The following AMD1 variants were observed in gnomAD, a reference collection of about 807,000 sequenced individuals.
AMD1 encodes adenosylmethionine decarboxylase 1, also known as S-adenosylmethionine decarboxylase proenzyme.
In AMD1, 11 loss-of-function variants were observed where a neutral mutation model predicts 40.2. The ratio of observed to expected loss-of-function variants is 0.27; its 90% CI spans 0.17 to 0.45. The LOEUF (loss-of-function observed/expected upper bound fraction) is 0.45, where lower values mean the gene tolerates loss of function less well. Ranked by LOEUF, AMD1 falls within the 20% of genes least tolerant of loss-of-function variation. The pLI, the probability that AMD1 is intolerant of heterozygous loss-of-function variation, is 1.00. For synonymous variants in AMD1, 121 were observed against 130.8 expected (o/e 0.93, Z 0.51); for missense variants, 257 against 410.2 (o/e 0.63, Z 3.23).
chr6:110,882,231 T>C (rs1180088726), intron 1 of AMD1, among the ~76,000 whole-genome samples: 1 of 152,200 alleles, frequency 6.6e-6, no homozygotes, highest in Non-Finnish European at 1.5e-5. Flanking sequence ...TAAAAATGGC[T>C]CTGTCGACTG....
intron 1 of AMD1, among the ~76,000 whole-genome samples, chr6:110,876,628 C>T (rs986647941): frequency 6.6e-6 from 1 of 152,008 alleles, no homozygotes; most frequent in African/African-American, 2.4e-5. Flanking sequence ...TTTTTTCAAG[C>T]TTCGTGTGAC....
At chr6:110,858,639 A>C in the AMD1 span, 2 of 1,337,550 alleles carry the variant, frequency 1.5e-6, no homozygotes, top group East Asian at 4.7e-5. Flanking sequence ...GCCAGGACTA[A>C]GGGGCTGCAG....
the AMD1 span, among the ~76,000 whole-genome samples, chr6:110,857,425 G>A: frequency 0.18 from 26,894 of 151,270 alleles, 2,512 homozygotes; most frequent in East Asian, 0.31. Flanking sequence ...CCAGCTACTC[G>A]GGAGGTTGAG....
chr6:110,889,861 C>T (rs1785911780), intron 3 of AMD1: 1 of 160,346 alleles, frequency 6.2e-6, no homozygotes, highest in African/African-American at 2.4e-5. Context: ...GTGTGCTTAA[C>T]CGATGCTTAA....
intron 1 of AMD1, among the ~76,000 whole-genome samples, chr6:110,883,484 C>CT (rs965694082): frequency 6.6e-6 from 1 of 152,188 alleles, no homozygotes; most frequent in African/African-American, 2.4e-5. Flanking sequence ...GAAGAAATCT[C>CT]TTTTTTGCTT....
the AMD1 span, among the ~76,000 whole-genome samples, chr6:110,849,676 A>G: frequency 6.6e-6 from 1 of 152,178 alleles, no homozygotes; most frequent in Non-Finnish European, 1.5e-5. Flanking sequence ...CAAAAAGACA[A>G]GATGATTTCT....
intron 3 of AMD1, 124 bp downstream of exon 3, chr6:110,889,107 A>C: frequency 8.5e-7 from 1 of 1,171,182 alleles, no homozygotes. Flanking sequence ...ACACGTGGTA[A>C]GGTGTTCATA....
the AMD1 span, among the ~76,000 whole-genome samples, chr6:110,834,697 G>A: frequency 2.0e-5 from 3 of 151,964 alleles, no homozygotes; most frequent in Non-Finnish European, 4.4e-5. Flanking sequence ...TGTGGCTCAC[G>A]TCTGTAATCC....
At chr6:110,879,845 G>A (rs1007273023) in intron 1 of AMD1, among the ~76,000 whole-genome samples, 5 of 152,160 alleles carry the variant, frequency 3.3e-5, no homozygotes, top group Non-Finnish European at 5.9e-5. Flanking sequence ...AAAATTTGCA[G>A]GCATCATCCT....
chr6:110,815,281 G>C, the AMD1 span: 2 of 952,086 alleles, frequency 2.1e-6, no homozygotes, highest in South Asian at 2.6e-5. Context: ...GCCGCTCCGC[G>C]GTCCGCCTTC....
At chr6:110,815,192 C>T in the AMD1 span, 1 of 1,493,370 alleles carries the variant, frequency 6.7e-7, no homozygotes, top group South Asian at 1.3e-5. Flanking sequence ...CTCAGTCCCT[C>T]CTCCTCCTCC....
the AMD1 span, among the ~76,000 whole-genome samples, chr6:110,860,821 C>A: frequency 7.5e-6 from 1 of 134,040 alleles, no homozygotes; most frequent in African/African-American, 3.0e-5. Context: ...AAAAACAAAA[C>A]AAAACACCCA....
the AMD1 span, among the ~76,000 whole-genome samples, chr6:110,826,165 TAAAA>T: frequency 1.1e-5 from 1 of 94,326 alleles, no homozygotes. Flanking sequence ...CCTGTCTCAT[TAAAA>T]AAAAAAAAAA....
the AMD1 span, among the ~76,000 whole-genome samples, chr6:110,825,721 A>G: frequency 2.0e-5 from 3 of 152,186 alleles, no homozygotes; most frequent in African/African-American, 7.2e-5. Flanking sequence ...TATTCAGACT[A>G]CTTAAACATT....
chr6:110,826,944 G>T, the AMD1 span, among the ~76,000 whole-genome samples: 1 of 151,910 alleles, frequency 6.6e-6, no homozygotes, highest in Non-Finnish European at 1.5e-5. Flanking sequence ...CACCTGACTC[G>T]GCCTCCCAGA....
chr6:110,841,721 C>T, the AMD1 span, among the ~76,000 whole-genome samples: 1 of 150,132 alleles, frequency 6.7e-6, no homozygotes, highest in Non-Finnish European at 1.5e-5. Context: ...ATAAACTTCC[C>T]ATGCCCCCAT....
the AMD1 span, chr6:110,858,287 G>A: frequency 1.8e-5 from 17 of 952,898 alleles, no homozygotes; most frequent in African/African-American, 9.8e-5. Flanking sequence ...GCTGTCAGCC[G>A]AGATCAAGAA....
rs543927301 is a variant in AMD1 at position 110,893,984 on chromosome 6, G to T, written c.*368G>T. ...TCATCCAAAATTCCCCACAGACAAG[G>T]CTTTCGTCCTCATTAGGTGTTGGCC... On this transcript the variant is annotated 3_prime_UTR_variant, in exon 9 of 9. Transcript: ENST00000368885. 1 of 208,602 alleles carries T rather than the reference G, an allele frequency of 4.8e-6. No homozygotes were observed. Among genetic ancestry groups the T allele is most frequent in the South Asian group, 8.1e-5 (1 of 12,310 alleles). 12.9% of individuals were successfully genotyped at this position (208,602 alleles called of 1,614,324 possible). A position where few individuals can be genotyped will look rare whatever the true frequency, so the allele number is the denominator to read the frequency against.
chr6:110,888,095 GC>G (rs1407546678), intron 2 of AMD1, among the ~76,000 whole-genome samples: 1 of 152,116 alleles, frequency 6.6e-6, no homozygotes, highest in Non-Finnish European at 1.5e-5. Flanking sequence ...CAAGGTGTTT[GC>G]CGTCTTTTCC....
Sources: gnomAD v4.1 joint callset for allele counts (sites outside exome capture counted in the v4.1 genomes callset) on GRCh38, gnomAD v4.1.1 for gene constraint, MANE v1.5 for transcripts, NCBI Gene and HGNC (gene_info 2026-07-23, HGNC 2026-07-21) for gene names.